SH3BP4: variants seen among roughly 807,000 people sequenced by gnomAD.
SH3BP4 encodes the protein SH3 domain-binding protein 4.
Under a neutral mutation model 65.5 loss-of-function variants are expected in SH3BP4, and 33 were observed. The ratio of observed to expected loss-of-function variants is 0.50; its 90% CI spans 0.38 to 0.67. SH3BP4 has a LOEUF of 0.67. SH3BP4 is among the 30% of genes least tolerant of loss of function. SH3BP4 has a pLI of 0.00. For missense variants in SH3BP4, 1,134 were observed against 1,261.4 expected (o/e 0.90, Z 1.53); for synonymous variants, 552 against 545.5 (o/e 1.01, Z -0.17).
intron 2 of SH3BP4, among the ~76,000 whole-genome samples, chr2:235,002,071 G>GC (rs1298146516): frequency 2.6e-5 from 4 of 152,012 alleles, no homozygotes; most frequent in Non-Finnish European, 4.4e-5. Context: ...ACGTTGGCCA[G>GC]GCTGATCTCA....
Position 235,033,527 on chromosome 2 carries a change from C to T in SH3BP4, c.-132-1344C>T, listed in dbSNP as rs569702035. Among the ~76,000 whole-genome samples the T allele has an allele frequency of 4.6e-5, 7 of 152,346 alleles. No homozygotes were observed. The highest frequency in any genetic ancestry group is 8.8e-5 in the Non-Finnish European group (6 of 68,030). ...ACAGCGTTCAGGTGCAGAATGCAGC[C>T]TTCTGAGGCCTTGAGATGGAAAGGA... On this transcript the variant is annotated intron_variant, in intron 2 of 5. Transcript: ENST00000392011. The surrounding 1 kb of genome is among the most constrained non-coding windows in gnomAD (Gnocchi z 5.7).
intron 1 of SH3BP4, among the ~76,000 whole-genome samples, chr2:234,957,686 C>A (rs1692618936): frequency 6.6e-6 from 1 of 151,882 alleles, no homozygotes; most frequent in Non-Finnish European, 1.5e-5. Context: ...GGGTGTGGGT[C>A]CAGACCTCTG....
chr2:235,008,031 C>T (rs1393177746), intron 2 of SH3BP4, among the ~76,000 whole-genome samples: 5 of 152,280 alleles, frequency 3.3e-5, no homozygotes, highest in South Asian at 2.1e-4. Flanking sequence ...AAGGGAGAGT[C>T]GCAGCTGGGT....
At chr2:234,980,402 T>G (rs530377079) in intron 1 of SH3BP4, among the ~76,000 whole-genome samples, 1 of 152,230 alleles carries the variant, frequency 6.6e-6, no homozygotes, top group African/African-American at 2.4e-5. Context: ...GAATATCTTA[T>G]TGTACTGTAG....
Position 234,977,303 on chromosome 2 carries a change from G to C in SH3BP4, c.-206-18000G>C, listed in dbSNP as rs929362749. Among the ~76,000 whole-genome samples, 5 of 152,136 alleles carry C rather than the reference G, an allele frequency of 3.3e-5. No homozygotes were observed. The highest frequency in any genetic ancestry group is 7.4e-5 in the Non-Finnish European group (5 of 68,024). On this transcript the variant is annotated intron_variant, in intron 1 of 5. Transcript: ENST00000392011. The surrounding 1 kb of genome is among the most constrained non-coding windows in gnomAD (Gnocchi z 5.1). ...TTCCCTTTCCTACAGACCCTCGCTTGGTGCGCCATGGCAGCTGGGCCCAGG... is the reference window on the plus strand; with the variant it reads ...TTCCCTTTCCTACAGACCCTCGCTTCGTGCGCCATGGCAGCTGGGCCCAGG...
intron 4 of SH3BP4, among the ~76,000 whole-genome samples, chr2:235,043,888 A>T (rs182620351): frequency 2.6e-5 from 4 of 152,406 alleles, no homozygotes; most frequent in Middle Eastern, 3.4e-3. Context: ...GGGGCCCCAG[A>T]CAACCCAAGG....
Position 234,991,527 on chromosome 2 carries a change from T to C in SH3BP4, c.-206-3776T>C, listed in dbSNP as rs11676855. ...CAACACTGATGTTTCTTGAAACAACTGGAGAATAAGGCATCCTCTAGACTT... is the reference window on the plus strand; with the variant it reads ...CAACACTGATGTTTCTTGAAACAACCGGAGAATAAGGCATCCTCTAGACTT... On this transcript the variant is annotated intron_variant, in intron 1 of 5. Coordinates refer to ENST00000392011, the MANE Select transcript of SH3BP4 (RefSeq NM_014521.3). This position sits in a 1 kb window ranked among gnomAD's most constrained non-coding sequence, Gnocchi z 4.2. 0.46 allele frequency among the ~76,000 whole-genome samples: 70,224 copies of C among 152,034 alleles called. 18,196 individuals are homozygous for C. Among genetic ancestry groups the C allele is most frequent in the East Asian group, 0.76 (3,924 of 5,172 alleles).
At chr2:235,023,462 G>T (rs1574828775) in intron 2 of SH3BP4, among the ~76,000 whole-genome samples, 1 of 152,108 alleles carries the variant, frequency 6.6e-6, no homozygotes, top group Non-Finnish European at 1.5e-5. Flanking sequence ...GCAGGAAATT[G>T]CCTGAACCCG....
chr2:234,990,573 C>T (rs1693718548), intron 1 of SH3BP4, among the ~76,000 whole-genome samples: 1 of 152,216 alleles, frequency 6.6e-6, no homozygotes, highest in Non-Finnish European at 1.5e-5. Context: ...AGACTCAGCT[C>T]TGCAGCGTGG....
rs748129932 is a variant in SH3BP4 at position 235,052,797 on chromosome 2, G to C, written c.2667+47G>C. ...AGCTCACCGAGCCCCTCTGTCCCTG[G>C]GTTCCGTGGACCCATGCAGTGCAGC... On this transcript the variant is annotated intron_variant, in intron 5 of 5. Transcript: ENST00000392011. The surrounding 1 kb of genome is among the most constrained non-coding windows in gnomAD (Gnocchi z 5.0). 1 of 1,507,072 alleles carries C rather than the reference G, an allele frequency of 6.6e-7. No homozygotes were observed. The highest frequency in any genetic ancestry group is 2.1e-5 in the Admixed American group (1 of 48,634). The allele number at this position is 1,507,072 out of a possible 1,614,324, so 93.4% of individuals were successfully genotyped here.
intron 2 of SH3BP4, among the ~76,000 whole-genome samples, chr2:235,028,196 C>T (rs532825945): frequency 8.5e-5 from 13 of 152,192 alleles, no homozygotes; most frequent in Admixed American, 2.0e-4. Flanking sequence ...GACCTGACCC[C>T]GGCTGGGAGG....
At chr2:235,047,862 G>C (rs1215817833) in intron 4 of SH3BP4, among the ~76,000 whole-genome samples, 4 of 152,196 alleles carry the variant, frequency 2.6e-5, no homozygotes, top group African/African-American at 9.7e-5. Flanking sequence ...GTCGGGCTCT[G>C]TAGAGAAGTT....
chr2:234,969,973 TCACA>T (rs1237236679), intron 1 of SH3BP4, among the ~76,000 whole-genome samples: 46 of 150,492 alleles, frequency 3.1e-4, no homozygotes, highest in African/African-American at 1.1e-3. Context: ...ACACACACTC[TCACA>T]CACACTCCCA....
rs1334655269 is a variant in SH3BP4, at chr2:234,977,784, C to T, written c.-206-17519C>T. On this transcript the variant is annotated intron_variant, in intron 1 of 5. Transcript: ENST00000392011. This position sits in a 1 kb window ranked among gnomAD's most constrained non-coding sequence, Gnocchi z 5.1. Reference sequence around the variant, plus strand: ...AGCCCTGCGCTGGGAAAGACACGCACACGCATATGCACACACATGGGCACA... The same window carrying T: ...AGCCCTGCGCTGGGAAAGACACGCATACGCATATGCACACACATGGGCACA... 2.0e-5 allele frequency among the ~76,000 whole-genome samples: 3 copies of T among 152,090 alleles called. No homozygotes were observed.
At chr2:234,970,973 A>G (rs1692983279) in intron 1 of SH3BP4, among the ~76,000 whole-genome samples, 1 of 152,198 alleles carries the variant, frequency 6.6e-6, no homozygotes, top group Non-Finnish European at 1.5e-5. Context: ...CATGAAGACA[A>G]CAAAATAGGC....
chr2:235,036,636 T>C (rs1272595879), intron 3 of SH3BP4, among the ~76,000 whole-genome samples: 1 of 151,118 alleles, frequency 6.6e-6, no homozygotes, highest in Non-Finnish European at 1.5e-5. Flanking sequence ...GTGCCTGTAA[T>C]CCCAGCTACT....
chr2:235,043,116 C>G lies in SH3BP4; in HGVS notation c.2347C>G (p.Leu783Val). The G allele has an allele frequency of 3.7e-6, 6 of 1,613,792 alleles. No homozygotes were observed. Among genetic ancestry groups the G allele is most frequent in the Non-Finnish European group, 5.1e-6 (6 of 1,180,002 alleles). ...CGCCCTGGGCTACGTGAACCTGCCG[C>G]TCACCTTTTTCTGCCGGGCAGAGCT... ...ADALGYVNLP[L>V]TFFCRAELDS... The change falls in exon 4 of 6, where the codon CTC becomes GTC. Residue 783 changes from leucine (L) to valine (V), a missense_variant. By Grantham distance (32) the Leu-to-Val change is conservative. Coordinates refer to ENST00000392011, the MANE Select transcript of SH3BP4 (RefSeq NM_014521.3).
chr2:235,027,777 G>A (rs888736478), intron 2 of SH3BP4, among the ~76,000 whole-genome samples: 4 of 152,196 alleles, frequency 2.6e-5, no homozygotes, highest in Non-Finnish European at 5.9e-5. Context: ...GCAGGAGAAC[G>A]GAGGAGAACG....
chr2:235,029,908 G>T (rs1332062506), intron 2 of SH3BP4, among the ~76,000 whole-genome samples: 1 of 152,192 alleles, frequency 6.6e-6, no homozygotes, highest in Non-Finnish European at 1.5e-5. Flanking sequence ...GAGATGAGGA[G>T]AGAGAAGATG....
Sources: gnomAD v4.1 joint callset for allele counts (sites outside exome capture counted in the v4.1 genomes callset) on GRCh38, gnomAD v4.1.1 for gene constraint, Gnocchi (gnomAD v3.1) non-coding constraint, MANE v1.5 for transcripts, NCBI Gene and HGNC (gene_info 2026-07-23, HGNC 2026-07-21) for gene names.